The following APBA2 variants were observed in gnomAD, a reference collection of about 807,000 sequenced individuals.
The protein encoded by APBA2 is amyloid beta precursor protein binding family A member 2.
In APBA2, 30 loss-of-function variants were observed where a neutral mutation model predicts 75.0. The observed-to-expected ratio is 0.40, with a 90% confidence interval of 0.30 to 0.54. The LOEUF (loss-of-function observed/expected upper bound fraction) is 0.54. APBA2 is among the 20% of genes least tolerant of loss of function. The pLI is 0.49. For missense variants in APBA2, 801 were observed against 1,016.1 expected (o/e 0.79, Z 2.88); for synonymous variants, 444 against 409.6 (o/e 1.08, Z -1.01).
At chr15:29,092,104 A>G (rs1353633514) in intron 6 of APBA2, among the ~76,000 whole-genome samples, 1 of 152,222 alleles carries the variant, frequency 6.6e-6, no homozygotes, top group Non-Finnish European at 1.5e-5. Flanking sequence ...GATTTTGCAT[A>G]TAAAGTTTCC....
intron 3 of APBA2, among the ~76,000 whole-genome samples, chr15:29,005,454 G>A (rs375144603): frequency 6.6e-6 from 1 of 152,116 alleles, no homozygotes; most frequent in African/African-American, 2.4e-5. Flanking sequence ...TAGAGACAGG[G>A]TCTCATTGTG....
chr15:28,957,601 TG>T (rs1466821503), intron 2 of APBA2, among the ~76,000 whole-genome samples: 1 of 151,872 alleles, frequency 6.6e-6, no homozygotes, highest in Non-Finnish European at 1.5e-5. Context: ...CTGATGGGAG[TG>T]GGGTAGCAGC....
intron 8 of APBA2, among the ~76,000 whole-genome samples, chr15:29,098,164 C>T (rs556444065): frequency 2.0e-5 from 3 of 152,128 alleles, no homozygotes; most frequent in Non-Finnish European, 4.4e-5. Flanking sequence ...TGGAAATATG[C>T]CCAGCAGTGG....
intron 1 of APBA2, among the ~76,000 whole-genome samples, chr15:28,896,039 G>T (rs2032462388): frequency 1.3e-5 from 2 of 152,098 alleles, no homozygotes; most frequent in Admixed American, 6.5e-5. Context: ...CTTAAGCCCA[G>T]GAAGTTGAGG....
At chr15:29,025,636 G>T (rs1359786593) in intron 3 of APBA2, among the ~76,000 whole-genome samples, 1 of 152,034 alleles carries the variant, frequency 6.6e-6, no homozygotes, top group African/African-American at 2.4e-5. Flanking sequence ...TTGGACCAGA[G>T]AACCGCCTTA....
chr15:29,064,947 G>A (rs939410611), intron 4 of APBA2, among the ~76,000 whole-genome samples: 3 of 152,182 alleles, frequency 2.0e-5, no homozygotes, highest in Non-Finnish European at 4.4e-5. Flanking sequence ...GATGGACAGT[G>A]TCTATAGAGA....
intron 1 of APBA2, among the ~76,000 whole-genome samples, chr15:28,900,794 G>A (rs145920124): frequency 0.078 from 11,851 of 152,208 alleles, 1,584 homozygotes; most frequent in African/African-American, 0.27. Context: ...TCCTGTGGCT[G>A]ACTGGCTGCC....
At chr15:29,011,394 G>A (rs756006262) in intron 3 of APBA2, among the ~76,000 whole-genome samples, 17 of 151,992 alleles carry the variant, frequency 1.1e-4, no homozygotes, top group Non-Finnish European at 2.4e-4. Flanking sequence ...TTGAAATGTG[G>A]GTTATTTTAA....
intron 3 of APBA2, among the ~76,000 whole-genome samples, chr15:29,005,879 A>G (rs533807800): frequency 1.2e-4 from 19 of 152,224 alleles, no homozygotes; most frequent in African/African-American, 4.6e-4. Context: ...AAATAAATAA[A>G]TAAATAAATA....
intron 4 of APBA2, 126 bp from the exon 5 acceptor site, chr15:29,074,795 A>T (rs911313056): frequency 1.3e-6 from 1 of 759,190 alleles, no homozygotes; most frequent in Non-Finnish European, 2.3e-6. Context: ...ACGTCTGCAC[A>T]CACACCTATA....
chr15:28,917,508 AT>A (rs1023162752), intron 1 of APBA2, among the ~76,000 whole-genome samples: 55 of 151,626 alleles, frequency 3.6e-4, no homozygotes, highest in Admixed American at 1.1e-3. Context: ...AATAGATTTA[AT>A]TTTTTTTTCA....
At chr15:29,090,930 C>T (rs1445211394) in intron 6 of APBA2, among the ~76,000 whole-genome samples, 3 of 152,014 alleles carry the variant, frequency 2.0e-5, no homozygotes, top group Non-Finnish European at 2.9e-5. Context: ...CTGTCATACA[C>T]GCTCTCCAAG....
At chr15:29,039,475 G>A (rs879813502) in intron 3 of APBA2, among the ~76,000 whole-genome samples, 2 of 152,072 alleles carry the variant, frequency 1.3e-5, no homozygotes, top group Non-Finnish European at 2.9e-5. Context: ...CATTATAGTG[G>A]TTCTCAGCCT....
At chr15:28,983,162 C>T (rs1361173238) in intron 2 of APBA2, among the ~76,000 whole-genome samples, 1 of 152,186 alleles carries the variant, frequency 6.6e-6, no homozygotes, top group Non-Finnish European at 1.5e-5. Flanking sequence ...TGCATGAATT[C>T]TGAGGTTGGG....
chr15:28,982,713 A>G (rs1030022245), intron 2 of APBA2, among the ~76,000 whole-genome samples: 1 of 152,238 alleles, frequency 6.6e-6, no homozygotes, highest in Non-Finnish European at 1.5e-5. Context: ...TGTCATGACA[A>G]AGCAAGACTA....
chr15:29,045,068 C>CG (rs2041237585), intron 3 of APBA2, among the ~76,000 whole-genome samples: 1 of 96,662 alleles, frequency 1.0e-5, no homozygotes, highest in East Asian at 7.5e-4. Context: ...TCCCTCCCTC[C>CG]TTCTCTCTCT....
chr15:28,889,688 C>T (rs1245296862), intron 1 of APBA2, among the ~76,000 whole-genome samples: 1 of 152,226 alleles, frequency 6.6e-6, no homozygotes, highest in Non-Finnish European at 1.5e-5. Flanking sequence ...TTCCTTGGTC[C>T]TCAGATTTGT....
chr15:28,899,265 C>T (rs1395015137), intron 1 of APBA2, among the ~76,000 whole-genome samples: 4 of 152,242 alleles, frequency 2.6e-5, no homozygotes, highest in East Asian at 3.9e-4. Flanking sequence ...CCTTTGCCTA[C>T]GTCTCTCCCC....
At chr15:29,090,162 G>A (rs1190577250) in intron 6 of APBA2, among the ~76,000 whole-genome samples, 1 of 152,226 alleles carries the variant, frequency 6.6e-6, no homozygotes, top group Non-Finnish European at 1.5e-5. Flanking sequence ...CTGAACAAAA[G>A]AGCAAGGCAG....
Sources: allele counts gnomAD v4.1 joint callset (sites outside exome capture counted in the v4.1 genomes callset), GRCh38; gene constraint gnomAD v4.1.1; transcripts MANE v1.5; gene names NCBI Gene and HGNC (gene_info 2026-07-23, HGNC 2026-07-21).